SEMA5A: variants seen among roughly 807,000 people sequenced by gnomAD.
The protein encoded by SEMA5A is semaphorin-5A.
SEMA5A carries 55 observed loss-of-function variants against 135.5 expected under a neutral mutation model. The observed-to-expected ratio is 0.41, with a 90% CI of 0.33 to 0.51. SEMA5A has a LOEUF of 0.51. Ranked by LOEUF, SEMA5A falls within the 20% of genes least tolerant of loss-of-function variation. The probability of loss-of-function intolerance (pLI) is 0.37; values close to 1 mark genes in which losing one functional copy is unlikely to be tolerated. For synonymous variants in SEMA5A, 580 were observed against 546.5 expected (o/e 1.06, Z -0.85); for missense variants, 1,290 against 1,419.9 (o/e 0.91, Z 1.47).
intron 1 of SEMA5A, among the ~76,000 whole-genome samples, chr5:9,440,003 T>C (rs1758176173): frequency 6.6e-6 from 1 of 152,266 alleles, no homozygotes. Flanking sequence ...TGGGGGCTTG[T>C]CAGCCAAGTG....
intron 1 of SEMA5A, among the ~76,000 whole-genome samples, chr5:9,475,957 T>C (rs144944870): frequency 1.1e-3 from 173 of 152,362 alleles, no homozygotes; most frequent in African/African-American, 3.9e-3. Context: ...AAAAAGTCAA[T>C]GTATATTCTT....
intron 8 of SEMA5A, among the ~76,000 whole-genome samples, chr5:9,217,251 C>T (rs1746680338): frequency 6.6e-6 from 1 of 152,142 alleles, no homozygotes; most frequent in Non-Finnish European, 1.5e-5. Context: ...CTAAGTTTAG[C>T]CGGATATGAA....
chr5:9,129,752 G>A (rs1741307887), intron 13 of SEMA5A, among the ~76,000 whole-genome samples: 1 of 152,142 alleles, frequency 6.6e-6, no homozygotes, highest in Non-Finnish European at 1.5e-5. Context: ...CATATACCAT[G>A]TAGTGGTAGT....
chr5:9,055,620 T>A (rs895591697), intron 18 of SEMA5A, among the ~76,000 whole-genome samples: 1 of 152,124 alleles, frequency 6.6e-6, no homozygotes, highest in Non-Finnish European at 1.5e-5. Flanking sequence ...AGCAAAAATA[T>A]CATCTTTATG....
intron 2 of SEMA5A, among the ~76,000 whole-genome samples, chr5:9,410,949 T>A (rs1757085893): frequency 6.6e-6 from 1 of 150,544 alleles, no homozygotes; most frequent in Non-Finnish European, 1.5e-5. Context: ...TATTTATTCT[T>A]GAGTTATAGC....
chr5:9,395,380 CA>C (rs1183275379), intron 2 of SEMA5A, among the ~76,000 whole-genome samples: 7 of 151,730 alleles, frequency 4.6e-5, no homozygotes, highest in Non-Finnish European at 8.8e-5. Flanking sequence ...AAAGTTGGGC[CA>C]AAAAAAAGTT....
At chr5:9,506,841 T>C (rs1349754588) in intron 1 of SEMA5A, among the ~76,000 whole-genome samples, 1 of 152,208 alleles carries the variant, frequency 6.6e-6, no homozygotes, top group African/African-American at 2.4e-5. Context: ...CTCTATGTGC[T>C]ATCCGAGGAT....
chr5:9,145,567 T>C (rs1186811120), intron 12 of SEMA5A, among the ~76,000 whole-genome samples: 4 of 151,792 alleles, frequency 2.6e-5, no homozygotes, highest in African/African-American at 7.3e-5. Context: ...AGCTTTCCTA[T>C]GGAATTCTTA....
chr5:9,495,618 A>G (rs1735264461), intron 1 of SEMA5A, among the ~76,000 whole-genome samples: 1 of 152,194 alleles, frequency 6.6e-6, no homozygotes, highest in African/African-American at 2.4e-5. Context: ...CCCCTCAACA[A>G]GACTATAGTG....
rs928039493 is a variant in SEMA5A at position 9,190,169 on chromosome 5, G to A, written c.1273+98C>T. 488 of 1,317,556 alleles carry A rather than the reference G, an allele frequency of 3.7e-4. 1 individual carries two copies. The highest frequency in any genetic ancestry group is 6.3e-4 in the Middle Eastern group (3 of 4,736). The allele number at this position is 1,317,556 out of a possible 1,614,324, so 81.6% of individuals were successfully genotyped here. On this transcript the variant is annotated intron_variant, in intron 11 of 22. Transcript: ENST00000382496. ...CTGGTTGCAAAAAGAGACATCAGGC[G>A]TAAAGCTTGAAATTGAAATTGAATG...
At position 9,271,035 on chromosome 5, in the gene SEMA5A, G is replaced by A. The variant is rs540264206; in HGVS notation, c.271-33145C>T. 4.3e-3 allele frequency among the ~76,000 whole-genome samples: 651 copies of A among 152,152 alleles called. 2 individuals carry two copies. The highest frequency in any genetic ancestry group is 5.8e-3 in the Non-Finnish European group (396 of 68,002). On this transcript the variant is annotated intron_variant, in intron 5 of 22. Coordinates refer to ENST00000382496, the MANE Select transcript of SEMA5A (RefSeq NM_003966.3). ...TTCTCTGTCCCCACCCAAATCTCACGTTAAATTGTAACCTCCACATATCGG... is the reference window on the plus strand; with the variant it reads ...TTCTCTGTCCCCACCCAAATCTCACATTAAATTGTAACCTCCACATATCGG...
intron 12 of SEMA5A, among the ~76,000 whole-genome samples, chr5:9,153,699 C>A (rs1054944697): frequency 6.6e-6 from 1 of 151,834 alleles, no homozygotes; most frequent in Non-Finnish European, 1.5e-5. Context: ...GAGCTGTGGT[C>A]GAGAAGGACG....
chr5:9,049,567 G>A (rs1347355698), intron 21 of SEMA5A, among the ~76,000 whole-genome samples: 1 of 152,230 alleles, frequency 6.6e-6, no homozygotes, highest in Non-Finnish European at 1.5e-5. Flanking sequence ...ACATGTCAGA[G>A]GCAATGCCTG....
intron 5 of SEMA5A, among the ~76,000 whole-genome samples, chr5:9,276,814 A>G (rs757053866): frequency 1.3e-5 from 2 of 152,224 alleles, no homozygotes; most frequent in Non-Finnish European, 2.9e-5. Flanking sequence ...AATTAACCCA[A>G]CATATATTAA....
chr5:9,254,047 T>C (rs1483675141), intron 5 of SEMA5A, among the ~76,000 whole-genome samples: 3 of 152,188 alleles, frequency 2.0e-5, no homozygotes, highest in Non-Finnish European at 2.9e-5. Flanking sequence ...TTATCAACTA[T>C]ATAAAATCAC....
At chr5:9,188,149 A>C (rs1369693658) in intron 11 of SEMA5A, among the ~76,000 whole-genome samples, 2 of 152,138 alleles carry the variant, frequency 1.3e-5, no homozygotes, top group Non-Finnish European at 2.9e-5. Flanking sequence ...GTGTCCTTAT[A>C]AGAAGAGACA....
At chr5:9,492,666 A>G (rs1262871452) in intron 1 of SEMA5A, among the ~76,000 whole-genome samples, 1 of 152,240 alleles carries the variant, frequency 6.6e-6, no homozygotes, top group Non-Finnish European at 1.5e-5. Context: ...ATAGCATACC[A>G]TGGAATATTA....
intron 13 of SEMA5A, among the ~76,000 whole-genome samples, chr5:9,134,743 T>C (rs1741636514): frequency 6.6e-6 from 1 of 152,202 alleles, no homozygotes; most frequent in Non-Finnish European, 1.5e-5. Context: ...TTTTTTATGA[T>C]TAAAAATGCA....
At chr5:9,099,377 A>G (rs920321843) in intron 16 of SEMA5A, among the ~76,000 whole-genome samples, 1 of 152,254 alleles carries the variant, frequency 6.6e-6, no homozygotes, top group African/African-American at 2.4e-5. Flanking sequence ...ATTAAAAAAA[A>G]GAAAACAAAC....
Sources: allele counts gnomAD v4.1 joint callset (sites outside exome capture counted in the v4.1 genomes callset), GRCh38; gene constraint gnomAD v4.1.1; transcripts MANE v1.5; gene names NCBI Gene and HGNC (gene_info 2026-07-23, HGNC 2026-07-21).